Variants in ACOT6 observed in about 807,000 individuals in gnomAD.
The protein encoded by ACOT6 is acyl-CoA thioesterase 6.
In ACOT6, 14 loss-of-function variants were observed where a neutral mutation model predicts 12.3. That is an observed-to-expected ratio of 1.14 (90% confidence interval 0.75 to 1.78). The LOEUF (loss-of-function observed/expected upper bound fraction) is 1.78, where lower values mean the gene tolerates loss of function less well. Among genes scored for constraint, ACOT6 ranks in the 40% most tolerant of loss-of-function variants. ACOT6 has a pLI of 0.00. For missense variants in ACOT6, 523 were observed against 551.8 expected, an observed-to-expected ratio of 0.95 and a Z score of 0.52; for synonymous variants, 218 against 231.3, an observed-to-expected ratio of 0.94 and a Z score of 0.52.
At chr14:73,612,470 T>G, upstream of ACOT6, 1 of 826,410 alleles carries the variant, frequency 1.2e-6, no homozygotes, top group Non-Finnish European at 1.7e-6. Context: ...GGGAGTAGTG[T>G]TAAGGGCTCC....
Position 73,612,807 on chromosome 14 carries a change from G to T in ACOT6, c.236G>T (p.Gly79Val), listed in dbSNP as rs974918122. The change falls in exon 1 of 3, where the codon GGG becomes GTG. Residue 79 changes from glycine to valine, a missense_variant. Physicochemically the swap from Gly to Val is moderately radical, Grantham distance 109 (BLOSUM62 -3). Coordinates refer to ENST00000645972, the MANE Select transcript of ACOT6 (RefSeq NM_001365788.1). ...AGCTTCGCGGGGCTCCAGCCCATGG[G>T]GCTGCTGTGGGCGTTGGAGCCCGAG... Reference protein sequence around the residue: ...GGSFAGLQPMGLLWALEPEKA... With the variant: ...GGSFAGLQPMVLLWALEPEKA... 5.6e-6 allele frequency: 8 copies of T among 1,417,214 alleles called. No homozygotes were observed. The highest frequency in any genetic ancestry group is 6.5e-6 in the Non-Finnish European group (7 of 1,076,672). The allele number at this position is 1,417,214 out of a possible 1,614,324, so 87.8% of individuals were successfully genotyped here. A position where few individuals can be genotyped will look rare whatever the true frequency, so the allele number is the denominator to read the frequency against.
At chr14:73,611,844 A>T (rs1890448305), upstream of ACOT6, among the ~76,000 whole-genome samples, 1 of 152,092 alleles carries the variant, frequency 6.6e-6, no homozygotes, top group Admixed American at 6.6e-5. Context: ...CCCTGGAAAA[A>T]AGGCTTGGTA....
Position 73,619,745 on chromosome 14 carries a change from A to T in ACOT6, c.1172A>T (p.His391Leu). ...AIFYGGEPKA[H>L]SKAQVDAWQQ... ...TTCTATGGAGGTGAGCCAAAGGCTCACTCAAAGGCACAGGTAGATGCCTGG... is the reference window on the plus strand; with the variant it reads ...TTCTATGGAGGTGAGCCAAAGGCTCTCTCAAAGGCACAGGTAGATGCCTGG... The change falls in exon 3 of 3, where the codon CAC becomes CTC. Residue 391 changes from histidine to leucine, a missense_variant. Physicochemically the swap from His to Leu is moderately conservative, Grantham distance 99 (BLOSUM62 -3). This residue lies in a region of ACOT6 where 219 missense variants were observed against 277.0 expected (regional missense o/e 0.79). Transcript: ENST00000645972. The T allele has an allele frequency of 6.2e-7, 1 of 1,613,986 alleles. No individual in the cohort carries two copies. Among genetic ancestry groups the T allele is most frequent in the Non-Finnish European group, 8.5e-7 (1 of 1,179,948 alleles).
rs17782052 is a variant in ACOT6, at chr14:73,619,711, G to A, written c.1138G>A (p.Glu380Lys). 118,130 of 1,614,086 alleles carry A rather than the reference G, an allele frequency of 0.073. 5,071 individuals carry two copies. Among genetic ancestry groups the A allele is most frequent in the Non-Finnish European group, 0.088 (103,909 of 1,179,936 alleles). Residue 380 changes from glutamate to lysine, a missense_variant, in exon 3 of 3, where the codon GAG (glutamate) becomes AAG (lysine). This residue lies in a region of ACOT6 where 219 missense variants were observed against 277.0 expected (regional missense o/e 0.79). Coordinates refer to ENST00000645972, the MANE Select transcript of ACOT6 (RefSeq NM_001365788.1). Reference sequence around the variant, plus strand: ...AGCTTCTGTGCACGCTGTTTTGGGTGAGGCAATATTCTATGGAGGTGAGCC... The same window carrying A: ...AGCTTCTGTGCACGCTGTTTTGGGTAAGGCAATATTCTATGGAGGTGAGCC... ...SRASVHAVLG[E>K]AIFYGGEPKA...
intron 1 of ACOT6, among the ~76,000 whole-genome samples, chr14:73,614,182 CAG>C (rs1364201710): frequency 6.6e-6 from 1 of 151,910 alleles, no homozygotes; most frequent in African/African-American, 2.4e-5. Context: ...GCCTGGACAA[CAG>C]AGTGAAACCC....
chr14:73,611,161 C>T (rs1890439861), upstream of ACOT6: 1 of 152,176 alleles, frequency 6.6e-6, no homozygotes, highest in African/African-American at 2.4e-5. Flanking sequence ...AGTCTAATAC[C>T]TTTTTGTTCA....
chr14:73,612,836 G>C lies in ACOT6; in HGVS notation c.265G>C (p.Ala89Pro), dbSNP rs1304638359. ...GLLWALEPEK[A>P]LVRLVKRDVR... ...GCTGTGGGCGTTGGAGCCCGAGAAA[G>C]CCTTGGTGCGGCTGGTGAAGCGCGA... The change falls in exon 1 of 3, where the codon GCC (alanine) becomes CCC (proline). Residue 89 changes from alanine (A) to proline (P), a missense_variant. Transcript: ENST00000645972. 1 of 1,429,062 alleles carries C rather than the reference G, an allele frequency of 7.0e-7. No homozygotes were observed. Among genetic ancestry groups the C allele is most frequent in the Non-Finnish European group, 9.3e-7 (1 of 1,073,598 alleles). 88.5% of individuals were successfully genotyped at this position (1,429,062 alleles called of 1,614,324 possible). A position where few individuals can be genotyped will look rare whatever the true frequency, so the allele number is the denominator to read the frequency against.
At position 73,617,041 on chromosome 14, in the gene ACOT6, T is replaced by G. The variant is rs1890552109; in HGVS notation, c.509T>G (p.Leu170Arg). 2 of 1,091,648 alleles carry G rather than the reference T, an allele frequency of 1.8e-6. No individual in the cohort carries two copies. The highest frequency in any genetic ancestry group is 2.8e-6 in the Non-Finnish European group (2 of 712,250). The allele number at this position is 1,091,648 out of a possible 1,614,324, so 67.6% of individuals were successfully genotyped here. A position where few individuals can be genotyped will look rare whatever the true frequency, so the allele number is the denominator to read the frequency against. The stretch of plus-strand genomic sequence containing the variant: ...GATCTGTTTGGGAGCAGCAGGGGCC[T>G]TTGTGAATACAGGGCCAGCCTCCTG... ...IIDLFGSSRG[L>R]CEYRASLLAG... Residue 170 changes from leucine to arginine, a missense_variant, in exon 2 of 3, where the codon CTT becomes CGT. Leu to Arg is a moderately radical substitution (Grantham distance 102). Around this residue, in one of 2 missense-constraint regions of ACOT6, gnomAD observed 304 missense variants for 274.8 expected, o/e 1.11. Coordinates refer to ENST00000645972, the MANE Select transcript of ACOT6 (RefSeq NM_001365788.1).
chr14:73,616,462 G>A (rs1228164221), intron 1 of ACOT6, among the ~76,000 whole-genome samples: 2 of 152,084 alleles, frequency 1.3e-5, no homozygotes, highest in African/African-American at 4.8e-5. Flanking sequence ...GGAGGCCAAG[G>A]TGGGCAGATC....
intron 1 of ACOT6, 142 bp from the exon 2 acceptor site, chr14:73,616,852 C>T: frequency 1.7e-6 from 1 of 574,410 alleles, no homozygotes; most frequent in Middle Eastern, 4.6e-4. Context: ...TCTATATTAT[C>T]ATTATTGTTT....
At chr14:73,613,735 C>T (rs1468913417) in intron 1 of ACOT6, among the ~76,000 whole-genome samples, 1 of 152,178 alleles carries the variant, frequency 6.6e-6, no homozygotes, top group Admixed American at 6.6e-5. Flanking sequence ...CACAGGACAA[C>T]CACCAGAACA....
Position 73,616,980 on chromosome 14 carries a change from T to C in ACOT6, c.462-14T>C. ...AACTAAAGCTCCCTGTGATTTGTGATGTTCTCCAGGCAGGGGGCCCTTTCC... is the reference window on the plus strand; with the variant it reads ...AACTAAAGCTCCCTGTGATTTGTGACGTTCTCCAGGCAGGGGGCCCTTTCC... On this transcript the variant is annotated splice_polypyrimidine_tract_variant and intron_variant, in intron 1 of 2. Coordinates refer to ENST00000645972, the MANE Select transcript of ACOT6 (RefSeq NM_001365788.1). The C allele has an allele frequency of 1.5e-6, 1 of 659,000 alleles. No homozygotes were observed. The highest frequency in any genetic ancestry group is 2.7e-6 in the Non-Finnish European group (1 of 370,288). The allele number at this position is 659,000 out of a possible 1,614,324, so 40.8% of individuals were successfully genotyped here.
At position 73,612,617 on chromosome 14, in the gene ACOT6, G is replaced by T; in HGVS notation, c.46G>T (p.Asp16Tyr). 1 of 1,419,362 alleles carries T rather than the reference G, an allele frequency of 7.0e-7. No individual in the cohort carries two copies. Among genetic ancestry groups the T allele is most frequent in the Non-Finnish European group, 9.2e-7 (1 of 1,082,758 alleles). 87.9% of individuals were successfully genotyped at this position (1,419,362 alleles called of 1,614,324 possible). The change falls in exon 1 of 3, where the codon GAC becomes TAC. Residue 16 changes from aspartate to tyrosine, a missense_variant. Coordinates refer to ENST00000645972, the MANE Select transcript of ACOT6 (RefSeq NM_001365788.1). ...GGAGCCCGCGGGCCGCTGCTGCTGG[G>T]ACGAGCCGCTGCGCATCGCAGTGCG... ...ILEPAGRCCW[D>Y]EPLRIAVRGL...
At chr14:73,611,374 AC>A (rs1426533861), upstream of ACOT6, 1 of 152,256 alleles carries the variant, frequency 6.6e-6, no homozygotes, top group Non-Finnish European at 1.5e-5. Context: ...TAAAAAAGGT[AC>A]AACTCCTATC....
upstream of ACOT6, among the ~76,000 whole-genome samples, chr14:73,611,306 G>A (rs1438659300): frequency 6.6e-6 from 1 of 152,186 alleles, no homozygotes; most frequent in Admixed American, 6.6e-5. Context: ...TGAAAAACAA[G>A]AGGAGAGTCA....
At chr14:73,617,841 A>G (rs1268019051) in intron 2 of ACOT6, among the ~76,000 whole-genome samples, 1 of 151,006 alleles carries the variant, frequency 6.6e-6, no homozygotes, top group Non-Finnish European at 1.5e-5. Flanking sequence ...TAACAGAAAT[A>G]ATTAATTAAT....
chr14:73,616,789 G>A (rs1040910460), intron 1 of ACOT6: 5 of 453,352 alleles, frequency 1.1e-5, no homozygotes, highest in Non-Finnish European at 1.9e-5. Flanking sequence ...AGATTTTAGT[G>A]CACCTGTCGC....
chr14:73,616,946 CTT>C, intron 1 of ACOT6, 46 bp from the exon 2 acceptor site: 1 of 609,368 alleles, frequency 1.6e-6, no homozygotes, highest in Non-Finnish European at 2.9e-6. Flanking sequence ...TGCTTACTGT[CTT>C]TTGAGAAACT....
At chr14:73,614,703 C>T (rs1174072258) in intron 1 of ACOT6, among the ~76,000 whole-genome samples, 4 of 149,404 alleles carry the variant, frequency 2.7e-5, no homozygotes, top group Admixed American at 6.7e-5. Flanking sequence ...GCCAAGATTG[C>T]GCCACTACAC....
Sources: gnomAD v4.1 joint callset for allele counts (sites outside exome capture counted in the v4.1 genomes callset) on GRCh38, gnomAD v4.1.1 for gene constraint, gnomAD v4.1.1 regional missense constraint, MANE v1.5 for transcripts, NCBI Gene and HGNC (gene_info 2026-07-23, HGNC 2026-07-21) for gene names.